ENPP3: variants seen among roughly 807,000 people sequenced by gnomAD.
The protein encoded by ENPP3 is ectonucleotide pyrophosphatase/phosphodiesterase family member 3.
Under a neutral mutation model 117.8 loss-of-function variants are expected in ENPP3, and 104 were observed. The observed-to-expected ratio is 0.88, with a 90% confidence interval of 0.75 to 1.04. The LOEUF is 1.04. Among genes scored for constraint, ENPP3 ranks in the 50% least tolerant of loss-of-function variants. The probability of loss-of-function intolerance (pLI) is 0.00; values close to 1 mark genes in which losing one functional copy is unlikely to be tolerated. For synonymous variants in ENPP3, 380 were observed against 349.9 expected (o/e 1.09, Z -0.96); for missense variants, 1,026 against 1,051.9 (o/e 0.98, Z 0.34).
At chr6:131,726,428 G>T (rs1229018409) in intron 20 of ENPP3, among the ~76,000 whole-genome samples, 1 of 152,132 alleles carries the variant, frequency 6.6e-6, no homozygotes, top group East Asian at 1.9e-4. Flanking sequence ...AATGTTTACA[G>T]GCCAATTGGC....
At chr6:131,660,022 T>TA (rs1778465001) in intron 6 of ENPP3, among the ~76,000 whole-genome samples, 1 of 152,214 alleles carries the variant, frequency 6.6e-6, no homozygotes, top group Admixed American at 6.5e-5. Flanking sequence ...AAATATTTTT[T>TA]AGTCATATAG....
chr6:131,721,101 A>G (rs756799135), intron 17 of ENPP3, among the ~76,000 whole-genome samples: 3 of 152,222 alleles, frequency 2.0e-5, no homozygotes, highest in Middle Eastern at 3.2e-3. Flanking sequence ...GACACTTGTT[A>G]TTATACTCAA....
In ENPP3 at chr6:131,683,100, T is replaced by C. The variant is rs758457049; in HGVS notation, c.1058T>C (p.Met353Thr). 3.7e-6 allele frequency: 6 copies of C among 1,612,878 alleles called. No individual in the cohort carries two copies. The highest frequency in any genetic ancestry group is 1.3e-5 in the African/African-American group (1 of 74,900). Residue 353 changes from methionine to threonine, a missense_variant, in exon 12 of 25, where the codon ATG (methionine) becomes ACG (threonine). Physicochemically the swap from Met to Thr is moderately conservative, Grantham distance 81 (BLOSUM62 -1). Transcript: ENST00000357639. Reference sequence around the variant, plus strand: ...GTAGATCATGCTTTTGGGATGTTGATGGAAGGCCTGAAGCAGCGGAATTTG... The same window carrying C: ...GTAGATCATGCTTTTGGGATGTTGACGGAAGGCCTGAAGCAGCGGAATTTG... ...QVVDHAFGML[M>T]EGLKQRNLHN...
chr6:131,728,933 T>A (rs1167483853), intron 20 of ENPP3, among the ~76,000 whole-genome samples: 1 of 152,182 alleles, frequency 6.6e-6, no homozygotes, highest in Non-Finnish European at 1.5e-5. Flanking sequence ...GGTGATAAAT[T>A]GAAAATAAGA....
intron 6 of ENPP3, among the ~76,000 whole-genome samples, chr6:131,669,655 CAAAAAAAAAA>C (rs67597128): frequency 1.6e-5 from 1 of 61,712 alleles, no homozygotes. Context: ...GACTCCATCT[CAAAAAAAAAA>C]AAAAAAAAAA....
chr6:131,699,229 C>A, intron 15 of ENPP3, among the ~76,000 whole-genome samples: 1 of 38,606 alleles, frequency 2.6e-5, no homozygotes, highest in African/African-American at 1.4e-4. Context: ...TAGAGCAAGA[C>A]TGTCTCAAAA....
chr6:131,649,701 G>A (rs1253606396), intron 2 of ENPP3, among the ~76,000 whole-genome samples: 11 of 151,994 alleles, frequency 7.2e-5, no homozygotes, highest in Admixed American at 3.9e-4. Flanking sequence ...GACCATAGGC[G>A]TGCACCACCA....
intron 20 of ENPP3, among the ~76,000 whole-genome samples, chr6:131,731,223 C>T (rs1220638313): frequency 2.6e-5 from 4 of 152,122 alleles, no homozygotes; most frequent in African/African-American, 9.7e-5. Flanking sequence ...CTCCCTTATT[C>T]CCCAGTGTCT....
At chr6:131,667,276 T>G (rs1778637383) in intron 6 of ENPP3, among the ~76,000 whole-genome samples, 1 of 152,074 alleles carries the variant, frequency 6.6e-6, no homozygotes, top group Non-Finnish European at 1.5e-5. Context: ...CCATTAGCGC[T>G]CCAATACAGA....
At position 131,678,993 on chromosome 6, in the gene ENPP3, CCTTCCTTG is replaced by C. The variant is rs1172090527; in HGVS notation, c.1011+1061_1011+1068del. On this transcript the variant is annotated intron_variant, in intron 11 of 24. Transcript: ENST00000357639. ...TCCTTCCTTCCTTCCTTCCTTCCTTCCTTCCTTGCTTCCTTCCTTCCTTCCTTCCTTCC... is the reference window on the plus strand; with the variant it reads ...TCCTTCCTTCCTTCCTTCCTTCCTTCCTTCCTTCCTTCCTTCCTTCCTTCC... 5.8e-3 allele frequency among the ~76,000 whole-genome samples: 568 copies of C among 97,812 alleles called. 43 individuals carry two copies. Among genetic ancestry groups the C allele is most frequent in the African/African-American group, 0.016 (273 of 17,538 alleles). 64.2% of individuals were successfully genotyped at this position (97,812 alleles called of 152,430 possible).
At position 131,744,791 on chromosome 6, in the gene ENPP3, C is replaced by G. The variant is rs538609977; in HGVS notation, c.2458-1995C>G. ...ATATACAATACTCTTAATTCTGTAA[C>G]AGGTCATTTATACACACACACACAC... On this transcript the variant is annotated intron_variant, in intron 24 of 24. Coordinates refer to ENST00000357639, the MANE Select transcript of ENPP3 (RefSeq NM_005021.5). Among the ~76,000 whole-genome samples the G allele has an allele frequency of 3.5e-4, 52 of 147,670 alleles. No individual in the cohort carries two copies. The South Asian group carries it at 7.1e-3, about 20-fold the overall frequency.
rs1404351566 is a variant in ENPP3, at chr6:131,724,232, A to AAAAAAAAAAAAAAAAAC, written c.1798+148_1798+149insAAAAAAAAACAAAAAAA. On this transcript the variant is annotated intron_variant, in intron 19 of 24. Transcript: ENST00000357639. ...ATTGCCAATATACAAAAGGTAAAAA[A>AAAAAAAAAAAAAAAAAC]AAAAAAACTCACAACAGATATAATG... is the stretch of plus-strand genomic sequence containing the variant. 85 of 608,974 alleles carry AAAAAAAAAAAAAAAAAC rather than the reference A, an allele frequency of 1.4e-4. No homozygotes were observed. The African/African-American group carries it at 1.6e-3, about 12-fold the overall frequency. 37.7% of individuals were successfully genotyped at this position (608,974 alleles called of 1,614,324 possible). A position where few individuals can be genotyped will look rare whatever the true frequency, so the allele number is the denominator to read the frequency against.
chr6:131,685,351 T>A lies in ENPP3; in HGVS notation c.1121-13T>A. 2 of 1,598,840 alleles carry A rather than the reference T, an allele frequency of 1.3e-6. No individual in the cohort carries two copies. The highest frequency in any genetic ancestry group is 1.7e-6 in the Non-Finnish European group (2 of 1,169,930). ...TACATTCAGTGGGTTATTATGATTA[T>A]TTTTTTATTCAGGAATGGACCAGAC... On this transcript the variant is annotated splice_polypyrimidine_tract_variant and intron_variant, in intron 12 of 24. Transcript: ENST00000357639.
chr6:131,705,877 G>A (rs1397549778), intron 15 of ENPP3, among the ~76,000 whole-genome samples: 1 of 131,802 alleles, frequency 7.6e-6, no homozygotes, highest in Admixed American at 7.6e-5. Flanking sequence ...TGATGTCATA[G>A]CCGTAATAAT....
chr6:131,656,341 A>G (rs1228277637), intron 5 of ENPP3, among the ~76,000 whole-genome samples: 1 of 152,176 alleles, frequency 6.6e-6, no homozygotes, highest in East Asian at 1.9e-4. Context: ...TACAACTTTT[A>G]CTCCATGAAA....
chr6:131,693,412 C>G lies in ENPP3; in HGVS notation c.1285-85C>G, dbSNP rs573460760. ...GAAATCCCCTTACTTTTAAAAGGTG[C>G]TTCATAAATTGATGTAGAAGATGAA... On this transcript the variant is annotated intron_variant, in intron 14 of 24. Transcript: ENST00000357639. 3.7e-5 allele frequency: 45 copies of G among 1,218,288 alleles called. No individual in the cohort carries two copies. The South Asian group carries it at 6.3e-4, about 17-fold the overall frequency. The allele number at this position is 1,218,288 out of a possible 1,614,324, so 75.5% of individuals were successfully genotyped here.
chr6:131,660,668 G>T (rs969282350), intron 6 of ENPP3, among the ~76,000 whole-genome samples: 1 of 152,204 alleles, frequency 6.6e-6, no homozygotes, highest in Non-Finnish European at 1.5e-5. Flanking sequence ...TGGCATTCAT[G>T]AACAGCAGAG....
chr6:131,734,252 A>G (rs1482057940), intron 21 of ENPP3, among the ~76,000 whole-genome samples: 1 of 152,208 alleles, frequency 6.6e-6, no homozygotes, highest in Non-Finnish European at 1.5e-5. Context: ...CAGGTGAAGT[A>G]GCCAAATGAA....
rs1554268306 is a variant in ENPP3, at chr6:131,724,232, A to AAAAAAACAAAAAAAC, written c.1798+147_1798+148insCAAAAAAACAAAAAA. ...ATTGCCAATATACAAAAGGTAAAAA[A>AAAAAAACAAAAAAAC]AAAAAAACTCACAACAGATATAATG... On this transcript the variant is annotated intron_variant, in intron 19 of 24. Transcript: ENST00000357639. 9,876 of 608,930 alleles carry AAAAAAACAAAAAAAC rather than the reference A, an allele frequency of 0.016. 933 individuals are homozygous for AAAAAAACAAAAAAAC. The African/African-American group carries it at 0.17, about 10-fold the overall frequency. 37.7% of individuals were successfully genotyped at this position (608,930 alleles called of 1,614,324 possible).
Sources: allele counts gnomAD v4.1 joint callset (sites outside exome capture counted in the v4.1 genomes callset), GRCh38; gene constraint gnomAD v4.1.1; transcripts MANE v1.5; gene names NCBI Gene and HGNC (gene_info 2026-07-23, HGNC 2026-07-21).